CSMD1: variants seen among roughly 807,000 people sequenced by gnomAD.
CSMD1 encodes CUB and sushi domain-containing protein 1.
A neutral mutation model predicts 417.5 loss-of-function variants in CSMD1; 213 were observed. The ratio of observed to expected loss-of-function variants is 0.51; its 90% CI spans 0.46 to 0.57. CSMD1 has a LOEUF of 0.57. Ranked by LOEUF, CSMD1 falls within the 20% of genes least tolerant of loss-of-function variation. CSMD1 has a pLI of 0.00. For synonymous variants in CSMD1, 2,862 were observed against 1,736.8 expected, an observed-to-expected ratio of 1.65 and a Z score of -16.11; for missense variants, 6,923 against 4,529.7, an observed-to-expected ratio of 1.53 and a Z score of -15.17.
rs143171097 is a variant in CSMD1 at position 4,259,811 on chromosome 8, T to G, written c.415+160142A>C. ...ATTCATGTAAATAATATAAAGCTATTATTTGGCACATTACTCATAATATTG... is the reference window on the plus strand; with the variant it reads ...ATTCATGTAAATAATATAAAGCTATGATTTGGCACATTACTCATAATATTG... On this transcript the variant is annotated intron_variant, in intron 3 of 69. Transcript: ENST00000635120. Among the ~76,000 whole-genome samples, 41 of 152,298 alleles carry G rather than the reference T, an allele frequency of 2.7e-4. 1 individual carries two copies. In the East Asian group the frequency reaches 7.1e-3, roughly 27 times the overall value.
chr8:3,852,282 G>C (rs1481208951), intron 5 of CSMD1, among the ~76,000 whole-genome samples: 1 of 152,032 alleles, frequency 6.6e-6, no homozygotes, highest in Non-Finnish European at 1.5e-5. Flanking sequence ...TGGATGCAGC[G>C]AACTCCTGCC....
intron 11 of CSMD1, among the ~76,000 whole-genome samples, chr8:3,491,687 T>C (rs1283647345): frequency 6.6e-6 from 1 of 152,216 alleles, no homozygotes; most frequent in Non-Finnish European, 1.5e-5. Context: ...TGGCTAGTGC[T>C]TTTTCAATGT....
At chr8:4,494,641 C>T (rs954738742) in intron 2 of CSMD1, among the ~76,000 whole-genome samples, 1 of 152,044 alleles carries the variant, frequency 6.6e-6, no homozygotes, top group African/African-American at 2.4e-5. Context: ...GCTTCATCCA[C>T]ATTTTTGTTA....
chr8:3,319,758 G>A (rs899768407), intron 23 of CSMD1, among the ~76,000 whole-genome samples: 5 of 152,082 alleles, frequency 3.3e-5, no homozygotes, highest in African/African-American at 7.2e-5. Context: ...TTAGGAACAC[G>A]TCAGCCGGGC....
chr8:4,994,638 C>A lies in CSMD1; in HGVS notation c.-222G>T, dbSNP rs1053591167. The A allele has an allele frequency of 9.0e-6, 4 of 443,200 alleles. No homozygotes were observed. The highest frequency in any genetic ancestry group is 1.6e-5 in the Non-Finnish European group (4 of 249,012). 27.5% of individuals were successfully genotyped at this position (443,200 alleles called of 1,614,324 possible). A position where few individuals can be genotyped will look rare whatever the true frequency, so the allele number is the denominator to read the frequency against. ...CACTGCAGGGCTGAGCTGCTCCGAGCGCGGAGACCCGGGCTGGCGGGGCCG... is the reference window on the plus strand; with the variant it reads ...CACTGCAGGGCTGAGCTGCTCCGAGAGCGGAGACCCGGGCTGGCGGGGCCG... On this transcript the variant is annotated 5_prime_UTR_variant, in exon 1 of 70. Coordinates refer to ENST00000635120, the MANE Select transcript of CSMD1 (RefSeq NM_033225.6).
chr8:4,743,209 G>C (rs369844003), intron 1 of CSMD1, among the ~76,000 whole-genome samples: 1 of 152,134 alleles, frequency 6.6e-6, no homozygotes. Flanking sequence ...ACTTTTGATA[G>C]AGGAGGTCAC....
chr8:3,015,138 A>G (rs1808726662), intron 52 of CSMD1, among the ~76,000 whole-genome samples: 1 of 151,558 alleles, frequency 6.6e-6, no homozygotes, highest in East Asian at 1.9e-4. Flanking sequence ...CCATTTTCAT[A>G]CCAGTTTCAA....
At chr8:4,215,731 C>G (rs1447274868) in intron 3 of CSMD1, among the ~76,000 whole-genome samples, 1 of 152,110 alleles carries the variant, frequency 6.6e-6, no homozygotes. Context: ...TGTGAATCTT[C>G]ATGAGTAATA....
At chr8:4,238,727 T>C (rs1320863798) in intron 3 of CSMD1, among the ~76,000 whole-genome samples, 1 of 152,184 alleles carries the variant, frequency 6.6e-6, no homozygotes, top group Non-Finnish European at 1.5e-5. Flanking sequence ...AATATTATCC[T>C]TCTCTTGCTT....
At chr8:4,932,539 G>C (rs1231962688) in intron 1 of CSMD1, among the ~76,000 whole-genome samples, 1 of 152,074 alleles carries the variant, frequency 6.6e-6, no homozygotes. Flanking sequence ...GAAGCTAATA[G>C]AAAATAAAGC....
intron 3 of CSMD1, among the ~76,000 whole-genome samples, chr8:4,164,346 A>G (rs532220719): frequency 6.6e-6 from 1 of 152,198 alleles, no homozygotes; most frequent in Non-Finnish European, 1.5e-5. Flanking sequence ...AGTATTCATA[A>G]AACAACAGTC....
intron 4 of CSMD1, among the ~76,000 whole-genome samples, chr8:4,022,699 T>C (rs187201393): frequency 1.6e-4 from 25 of 152,202 alleles, no homozygotes; most frequent in Non-Finnish European, 3.5e-4. Flanking sequence ...GCAAGTGGGA[T>C]ATTGAAAAGC....
intron 12 of CSMD1, among the ~76,000 whole-genome samples, chr8:3,449,234 G>A (rs552361949): frequency 1.3e-5 from 2 of 152,198 alleles, no homozygotes; most frequent in Admixed American, 1.3e-4. Flanking sequence ...GAATTGTAGA[G>A]GGAAGTTAAA....
At chr8:4,160,585 G>A (rs1355945357) in intron 3 of CSMD1, among the ~76,000 whole-genome samples, 3 of 152,224 alleles carry the variant, frequency 2.0e-5, no homozygotes, top group East Asian at 3.9e-4. Context: ...GCATGAGGCT[G>A]AAGCCTCCAT....
chr8:3,646,337 T>A (rs150061601), intron 7 of CSMD1, among the ~76,000 whole-genome samples: 1 of 152,174 alleles, frequency 6.6e-6, no homozygotes, highest in Non-Finnish European at 1.5e-5. Context: ...TATTAAAACA[T>A]TGAATATTTT....
intron 31 of CSMD1, 95 bp downstream of exon 31, chr8:3,205,409 T>G: frequency 1.5e-6 from 1 of 652,446 alleles, no homozygotes; most frequent in Admixed American, 3.1e-5. Flanking sequence ...ATGAAATATT[T>G]CACTAAGCTC....
At chr8:3,595,847 G>A (rs1316529175) in intron 8 of CSMD1, among the ~76,000 whole-genome samples, 2 of 152,212 alleles carry the variant, frequency 1.3e-5, no homozygotes, top group African/African-American at 4.8e-5. Context: ...AAAGCTGTTT[G>A]CACACTGTGT....
chr8:4,890,481 G>C (rs1239554221), intron 1 of CSMD1, among the ~76,000 whole-genome samples: 1 of 151,004 alleles, frequency 6.6e-6, no homozygotes, highest in African/African-American at 2.4e-5. Context: ...TTCTGCTTCA[G>C]GTCCTCACAG....
At chr8:4,124,841 A>C (rs1248984188) in intron 3 of CSMD1, among the ~76,000 whole-genome samples, 7 of 152,294 alleles carry the variant, frequency 4.6e-5, no homozygotes, top group African/African-American at 1.4e-4. Flanking sequence ...ACCCACAAGC[A>C]GATACAAAAT....
Sources: gnomAD v4.1 joint callset for allele counts (sites outside exome capture counted in the v4.1 genomes callset) on GRCh38, gnomAD v4.1.1 for gene constraint, MANE v1.5 for transcripts, NCBI Gene and HGNC (gene_info 2026-07-23, HGNC 2026-07-21) for gene names.